The following CEP295 variants were observed in gnomAD, a reference collection of about 807,000 sequenced individuals.
The protein encoded by CEP295 is centrosomal protein 295, also known as centrosomal protein of 295 kDa.
In CEP295, 190 loss-of-function variants were observed where a neutral mutation model predicts 291.6. That is an observed-to-expected ratio of 0.65 (90% CI 0.58 to 0.73). The LOEUF is 0.73. CEP295 is among the 30% of genes least tolerant of loss of function. CEP295 has a pLI of 0.00. For missense variants in CEP295, 2,863 were observed against 2,949.4 expected (o/e 0.97, Z 0.68); for synonymous variants, 993 against 1,038.8 (o/e 0.96, Z 0.85).
In CEP295 at chr11:93,687,837, G is replaced by A; in HGVS notation, c.1308G>A (p.Glu436=). The A allele has an allele frequency of 4.5e-6, 7 of 1,550,842 alleles. No individual in the cohort carries two copies. Among genetic ancestry groups the A allele is most frequent in the Admixed American group, 2.0e-5 (1 of 50,982 alleles). Residue 436 remains glutamate (E), a synonymous_variant, in exon 10 of 30, where the codon GAG becomes GAA. Coordinates refer to ENST00000325212, the MANE Select transcript of CEP295 (RefSeq NM_033395.2). The part of the protein sequence containing the change: ...TVESGTIASK[E]RTLSSGQEQV... Reference sequence around the variant, plus strand: ...AGTCAGGAACAATTGCCAGCAAAGAGAGAACGTTATCCTCTGGGCAGGAAC... The same window carrying A: ...AGTCAGGAACAATTGCCAGCAAAGAAAGAACGTTATCCTCTGGGCAGGAAC...
At position 93,697,535 on chromosome 11, in the gene CEP295, A is replaced by T; in HGVS notation, c.2623A>T (p.Lys875Ter). 6.4e-7 allele frequency: 1 copy of T among 1,551,792 alleles called. No homozygotes were observed. Among genetic ancestry groups the T allele is most frequent in the Non-Finnish European group, 8.7e-7 (1 of 1,146,986 alleles). The change falls in exon 15 of 30, where the codon AAA becomes TAA. Residue 875 changes from lysine (K) to a stop codon, truncating the protein, a stop_gained. Coordinates refer to ENST00000325212, the MANE Select transcript of CEP295 (RefSeq NM_033395.2). LOFTEE classifies it high-confidence loss of function. ...QEAQEQLLLC[K>*]QKEVEQQTGL... ...AGCTCAGGAACAGTTGCTTTTGTGC[A>T]AACAGAAAGAAGTGGAACAGCAAAC...
Position 93,702,810 on chromosome 11 carries a change from C to G in CEP295, c.5487C>G (p.Ser1829=), listed in dbSNP as rs750124120. 3.2e-6 allele frequency: 5 copies of G among 1,551,922 alleles called. No individual in the cohort carries two copies. Among genetic ancestry groups the G allele is most frequent in the Middle Eastern group, 1.7e-4 (1 of 5,992 alleles). The change falls in exon 17 of 30, where the codon TCC becomes TCG. Residue 1829 remains serine (S), a synonymous_variant. Transcript: ENST00000325212. ...EHLEKDLGRR[S]SKPPVAKVKC... is the part of the protein sequence containing the mutation. Reference sequence around the variant, plus strand: ...TGGAGAAAGATCTGGGGAGAAGATCCTCAAAGCCACCTGTAGCAAAAGTCA... The same window carrying G: ...TGGAGAAAGATCTGGGGAGAAGATCGTCAAAGCCACCTGTAGCAAAAGTCA...
rs1406258212 is a variant in CEP295, at chr11:93,697,621, C to G, written c.2709C>G (p.Ala903=). The change falls in exon 15 of 30, where the codon GCC becomes GCG. Residue 903 remains alanine (A), a synonymous_variant. Transcript: ENST00000325212. ...ATTCATCTGCTTTATTGCCTTCTGC[C>G]AAAGCAGATTTGGGGAGAATCCAGG... ...TPDSSALLPS[A]KADLGRIQES... 9.7e-6 allele frequency: 15 copies of G among 1,551,802 alleles called. No individual in the cohort carries two copies. Among genetic ancestry groups the G allele is most frequent in the Middle Eastern group, 1.7e-4 (1 of 5,994 alleles).
At chr11:93,713,175 A>T (rs1953026065) in intron 18 of CEP295, among the ~76,000 whole-genome samples, 1 of 152,048 alleles carries the variant, frequency 6.6e-6, no homozygotes, top group African/African-American at 2.4e-5. Flanking sequence ...GAAAAGTCGT[A>T]CATATTATTT....
rs779447453 is a variant in CEP295 at position 93,697,248 on chromosome 11, A to G, written c.2336A>G (p.His779Arg). The G allele has an allele frequency of 9.3e-5, 144 of 1,551,754 alleles. 1 individual carries two copies. Among genetic ancestry groups the G allele is most frequent in the Middle Eastern group, 6.7e-4 (4 of 5,992 alleles). ...GAGAATAGTGAAAATATATCTTACC[A>G]TTTAACTGAACCTTCTTCATTTGTA... is the stretch of plus-strand genomic sequence containing the variant. ...FSENSENISY[H>R]LTEPSSFVPL... The change falls in exon 15 of 30, where the codon CAT (histidine) becomes CGT (arginine). Residue 779 changes from histidine to arginine, a missense_variant. Coordinates refer to ENST00000325212, the MANE Select transcript of CEP295 (RefSeq NM_033395.2).
In CEP295 at chr11:93,702,593, A is replaced by G; in HGVS notation, c.5408A>G (p.Asp1803Gly). The G allele has an allele frequency of 6.5e-7, 1 of 1,549,994 alleles. No homozygotes were observed. Among genetic ancestry groups the G allele is most frequent in the Non-Finnish European group, 8.7e-7 (1 of 1,146,512 alleles). ...AGGCATGCAGATAGGAACAACTCTGATGATAATCATTTGGCTTCAGAAGAT... is the reference window on the plus strand; with the variant it reads ...AGGCATGCAGATAGGAACAACTCTGGTGATAATCATTTGGCTTCAGAAGAT... ...NIRHADRNNSDDNHLASEDTS... is the reference protein window; with the variant it reads ...NIRHADRNNSGDNHLASEDTS... Residue 1803 changes from aspartate (D) to glycine (G), a missense_variant, in exon 16 of 30, where the codon GAT becomes GGT. Around this residue, in one of 3 missense-constraint regions of CEP295, gnomAD observed 2,295 missense variants for 2,335.7 expected, o/e 0.98. Transcript: ENST00000325212.
Position 93,700,091 on chromosome 11 carries a change from G to A in CEP295, c.5179G>A (p.Ala1727Thr). Reference protein sequence around the residue: ...QREVLHYSQKAQEKLLVQRQT... With the variant: ...QREVLHYSQKTQEKLLVQRQT... ...AGAAGTTCTGCATTATAGCCAGAAA[G>A]CCCAGGAAAAATTGCTTGTACAGAG... Residue 1727 changes from alanine to threonine, a missense_variant, in exon 15 of 30, where the codon GCC (alanine) becomes ACC (threonine). This residue lies in a region of CEP295 where 2,295 missense variants were observed against 2,335.7 expected (regional missense o/e 0.98). Coordinates refer to ENST00000325212, the MANE Select transcript of CEP295 (RefSeq NM_033395.2). 1 of 1,551,708 alleles carries A rather than the reference G, an allele frequency of 6.4e-7. No individual in the cohort carries two copies. Among genetic ancestry groups the A allele is most frequent in the Middle Eastern group, 1.7e-4 (1 of 5,992 alleles).
At chr11:93,700,299 T>G (rs1952069558) in intron 15 of CEP295, 113 bp downstream of exon 15, 6 of 974,946 alleles carry the variant, frequency 6.2e-6, no homozygotes, top group Middle Eastern at 6.4e-4. Flanking sequence ...TGACCTTAAC[T>G]GTGCTTTGAT....
At chr11:93,703,126 G>A (rs1952279898) in intron 17 of CEP295, among the ~76,000 whole-genome samples, 1 of 152,080 alleles carries the variant, frequency 6.6e-6, no homozygotes, top group Non-Finnish European at 1.5e-5. Context: ...ACCACACCCA[G>A]CTAATTTTTG....
At chr11:93,720,314 A>G (rs1003432185) in intron 18 of CEP295, among the ~76,000 whole-genome samples, 6 of 151,892 alleles carry the variant, frequency 4.0e-5, no homozygotes, top group South Asian at 2.1e-4. Flanking sequence ...CTCTACTAAA[A>G]ATAGAAAAAT....
chr11:93,670,643 C>G (rs574389914), intron 5 of CEP295, among the ~76,000 whole-genome samples: 1 of 152,196 alleles, frequency 6.6e-6, no homozygotes, highest in African/African-American at 2.4e-5. Flanking sequence ...GTACGTTGAG[C>G]CATCTACCAT....
chr11:93,689,000 A>G (rs1378553293), intron 10 of CEP295, among the ~76,000 whole-genome samples: 1 of 151,976 alleles, frequency 6.6e-6, no homozygotes, highest in Non-Finnish European at 1.5e-5. Flanking sequence ...CTCTTTTCAT[A>G]TCTTATGTAT....
intron 12 of CEP295, among the ~76,000 whole-genome samples, chr11:93,695,116 A>T (rs1951785590): frequency 6.6e-6 from 1 of 152,212 alleles, no homozygotes. Flanking sequence ...CTTGATATTT[A>T]ATTTCTTTAG....
Position 93,724,382 on chromosome 11 carries a change from T to G in CEP295, c.6318+7T>G. On this transcript the variant is annotated splice_region_variant and intron_variant, in intron 22 of 29. Coordinates refer to ENST00000325212, the MANE Select transcript of CEP295 (RefSeq NM_033395.2). ...CAACAGAGACTTTTACCAGGTATAT[T>G]AAAGTAGATGTCCCATTGCAGTGAA... 1 of 1,546,728 alleles carries G rather than the reference T, an allele frequency of 6.5e-7. No homozygotes were observed. Among genetic ancestry groups the G allele is most frequent in the Non-Finnish European group, 8.7e-7 (1 of 1,143,806 alleles).
chr11:93,664,819 T>C (rs1950135644), intron 1 of CEP295, among the ~76,000 whole-genome samples: 1 of 152,208 alleles, frequency 6.6e-6, no homozygotes, highest in Admixed American at 6.5e-5. Context: ...GTTGAAAACA[T>C]TGTGCATCCA....
At chr11:93,718,630 A>G (rs888659121) in intron 18 of CEP295, among the ~76,000 whole-genome samples, 1 of 152,212 alleles carries the variant, frequency 6.6e-6, no homozygotes, top group Non-Finnish European at 1.5e-5. Flanking sequence ...TATATTACAG[A>G]TAACAGTAAA....
chr11:93,684,567 G>A (rs1951133121), intron 9 of CEP295, among the ~76,000 whole-genome samples: 1 of 152,184 alleles, frequency 6.6e-6, no homozygotes. Context: ...GTCCCATCCC[G>A]TGGAACATGA....
intron 7 of CEP295, among the ~76,000 whole-genome samples, chr11:93,682,392 CTT>C (rs909566730): frequency 6.6e-6 from 1 of 151,958 alleles, no homozygotes; most frequent in Admixed American, 6.6e-5. Flanking sequence ...CCCTGCTACT[CTT>C]TGTATTTTTA....
At chr11:93,667,062 TA>T (rs1289644936) in intron 2 of CEP295, among the ~76,000 whole-genome samples, 1 of 152,230 alleles carries the variant, frequency 6.6e-6, no homozygotes, top group African/African-American at 2.4e-5. Flanking sequence ...TTATCTTTTT[TA>T]AAAATGGTCT....
Sources: gnomAD v4.1 joint callset for allele counts (sites outside exome capture counted in the v4.1 genomes callset) on GRCh38, gnomAD v4.1.1 for gene constraint, gnomAD v4.1.1 regional missense constraint, MANE v1.5 for transcripts, NCBI Gene and HGNC (gene_info 2026-07-23, HGNC 2026-07-21) for gene names.